The following ABCB4 variants were observed in gnomAD, a reference collection of about 807,000 sequenced individuals.
ABCB4 encodes the protein ATP binding cassette subfamily B member 4.
Under a neutral mutation model 145.7 loss-of-function variants are expected in ABCB4, and 76 were observed. The ratio of observed to expected loss-of-function variants is 0.52; its 90% CI spans 0.43 to 0.63. The LOEUF (loss-of-function observed/expected upper bound fraction) is 0.63, where lower values mean the gene tolerates loss of function less well. Among genes scored for constraint, ABCB4 ranks in the 30% least tolerant of loss-of-function variants. The pLI, the probability that ABCB4 is intolerant of heterozygous loss-of-function variation, is 0.00. For missense variants in ABCB4, 1,234 were observed against 1,553.1 expected (o/e 0.79, Z 3.45); for synonymous variants, 517 against 566.8 (o/e 0.91, Z 1.25).
In ABCB4 at chr7:87,419,006, T is replaced by A. The variant is rs531994195; in HGVS notation, c.2395-386A>T. 1.6e-4 allele frequency among the ~76,000 whole-genome samples: 24 copies of A among 152,324 alleles called. No homozygotes were observed. In the East Asian group the frequency reaches 4.6e-3, roughly 29 times the overall value. Reference sequence around the variant, plus strand: ...GGTGGTGGAGCTGTCTTGGACATGTTGTTCTGATAGATTCTAGGCAGGAGA... The same window carrying A: ...GGTGGTGGAGCTGTCTTGGACATGTAGTTCTGATAGATTCTAGGCAGGAGA... On this transcript the variant is annotated intron_variant, in intron 19 of 27. Coordinates refer to ENST00000649586, the MANE Select transcript of ABCB4 (RefSeq NM_000443.4).
chr7:87,421,268 C>T (rs1482135615), intron 18 of ABCB4, among the ~76,000 whole-genome samples: 1 of 152,172 alleles, frequency 6.6e-6, no homozygotes, highest in African/African-American at 2.4e-5. Flanking sequence ...GATAGATGAT[C>T]AGTGCACCCA....
At chr7:87,414,373 C>T (rs902541746) in intron 21 of ABCB4, among the ~76,000 whole-genome samples, 1 of 152,184 alleles carries the variant, frequency 6.6e-6, no homozygotes, top group Non-Finnish European at 1.5e-5. Context: ...TCTGAATATA[C>T]AGCATCCGAG....
At chr7:87,442,502 A>T (rs1033534289) in intron 12 of ABCB4, among the ~76,000 whole-genome samples, 1 of 152,170 alleles carries the variant, frequency 6.6e-6, no homozygotes, top group African/African-American at 2.4e-5. Context: ...GGAAATTCTG[A>T]ATATAGCTCG....
chr7:87,441,580 C>CT (rs879830156), intron 12 of ABCB4, among the ~76,000 whole-genome samples: 6,096 of 144,348 alleles, frequency 0.042, 383 homozygotes, highest in African/African-American at 0.14. Flanking sequence ...TATTTTTGTC[C>CT]TTTTTTTTTT....
intron 22 of ABCB4, among the ~76,000 whole-genome samples, chr7:87,412,936 C>T (rs1490323090): frequency 6.6e-6 from 1 of 152,176 alleles, no homozygotes; most frequent in Non-Finnish European, 1.5e-5. Context: ...ATGAAGTGTG[C>T]ATAACTGAGG....
intron 15 of ABCB4, among the ~76,000 whole-genome samples, chr7:87,428,917 A>T (rs191028247): frequency 4.4e-4 from 67 of 152,298 alleles, no homozygotes; most frequent in African/African-American, 1.4e-3. Context: ...TGGATTTTTT[A>T]AAAAAATGCT....
intron 3 of ABCB4, among the ~76,000 whole-genome samples, chr7:87,466,848 C>T (rs958313242): frequency 1.3e-5 from 2 of 151,100 alleles, no homozygotes; most frequent in Non-Finnish European, 2.9e-5. Flanking sequence ...CAAGCAAATG[C>T]TGAGAGATTT....
chr7:87,396,914 G>T (rs1807544697), downstream of ABCB4, among the ~76,000 whole-genome samples: 1 of 152,028 alleles, frequency 6.6e-6, no homozygotes, highest in African/African-American at 2.4e-5. Context: ...ATATTTTGAT[G>T]GTTGTATAAT....
intron 3 of ABCB4, among the ~76,000 whole-genome samples, chr7:87,466,353 A>G (rs1400430458): frequency 6.6e-6 from 1 of 152,212 alleles, no homozygotes; most frequent in Non-Finnish European, 1.5e-5. Context: ...TAGAGAAAAA[A>G]GAATAAAAAG....
chr7:87,463,579 G>A (rs916046320), intron 3 of ABCB4, among the ~76,000 whole-genome samples: 5 of 152,170 alleles, frequency 3.3e-5, no homozygotes, highest in East Asian at 1.9e-4. Flanking sequence ...ATCGGCGAGT[G>A]TAAAAGAAGT....
At chr7:87,467,556 C>T (rs1813006737) in intron 3 of ABCB4, among the ~76,000 whole-genome samples, 1 of 152,180 alleles carries the variant, frequency 6.6e-6, no homozygotes. Flanking sequence ...TAATAGACAT[C>T]TACAGAACTC....
At chr7:87,373,604 G>C in the ABCB4 span, among the ~76,000 whole-genome samples, 1 of 152,026 alleles carries the variant, frequency 6.6e-6, no homozygotes, top group African/African-American at 2.4e-5. Flanking sequence ...TGGAAATGTT[G>C]GCAGGAATCG....
chr7:87,467,226 C>CA (rs937201594), intron 3 of ABCB4, among the ~76,000 whole-genome samples: 27 of 151,688 alleles, frequency 1.8e-4, no homozygotes, highest in Middle Eastern at 3.4e-3. Flanking sequence ...AAATGGAAAA[C>CA]AAAAAAAGGC....
chr7:87,375,462 C>A, the ABCB4 span: 1 of 555,648 alleles, frequency 1.8e-6, no homozygotes, highest in Non-Finnish European at 3.2e-6. Flanking sequence ...TAATAGAACA[C>A]AATCACTTAA....
At chr7:87,404,930 T>TGG (rs937970448) in intron 26 of ABCB4, among the ~76,000 whole-genome samples, 7 of 152,188 alleles carry the variant, frequency 4.6e-5, no homozygotes, top group African/African-American at 1.7e-4. Context: ...GAATGTAAAA[T>TGG]GGGATGGCCA....
intron 3 of ABCB4, among the ~76,000 whole-genome samples, chr7:87,471,851 T>C (rs1380161020): frequency 6.6e-6 from 1 of 152,218 alleles, no homozygotes; most frequent in Non-Finnish European, 1.5e-5. Context: ...TTCCTAATAG[T>C]TACCCCCTAT....
chr7:87,393,879 A>T, the ABCB4 span, among the ~76,000 whole-genome samples: 107,480 of 152,062 alleles, frequency 0.71, 39,889 homozygotes, highest in Middle Eastern at 0.83. Context: ...AATAAATGAG[A>T]AAATTTTTTG....
chr7:87,409,149 C>T, intron 24 of ABCB4, 87 bp downstream of exon 24: 1 of 1,501,436 alleles, frequency 6.7e-7, no homozygotes. Context: ...GTGTAATCAT[C>T]ACAAACTTAT....
chr7:87,454,148 C>T (rs911515060), intron 5 of ABCB4, among the ~76,000 whole-genome samples: 1 of 152,166 alleles, frequency 6.6e-6, no homozygotes, highest in Non-Finnish European at 1.5e-5. Flanking sequence ...AGCAACACTG[C>T]TATGCAGACA....
Sources: gnomAD v4.1 joint callset for allele counts (sites outside exome capture counted in the v4.1 genomes callset) on GRCh38, gnomAD v4.1.1 for gene constraint, MANE v1.5 for transcripts, NCBI Gene and HGNC (gene_info 2026-07-23, HGNC 2026-07-21) for gene names.